The following CATSPERE variants were observed in gnomAD, a reference collection of about 807,000 sequenced individuals.
CATSPERE encodes the protein catsper channel auxiliary subunit epsilon.
Under a neutral mutation model 114.1 loss-of-function variants are expected in CATSPERE, and 93 were observed. That is an observed-to-expected ratio of 0.81 (90% CI 0.69 to 0.97). The LOEUF (loss-of-function observed/expected upper bound fraction) is 0.97, where lower values mean the gene tolerates loss of function less well. Ranked by LOEUF, CATSPERE falls within the 50% of genes least tolerant of loss-of-function variation. CATSPERE has a pLI of 0.00. For synonymous variants in CATSPERE, 341 were observed against 384.1 expected (o/e 0.89, Z 1.31); for missense variants, 1,058 against 1,131.6 (o/e 0.93, Z 0.93).
intron 7 of CATSPERE, among the ~76,000 whole-genome samples, chr1:244,510,532 G>A (rs1372088866): frequency 1.3e-5 from 2 of 152,046 alleles, no homozygotes; most frequent in Non-Finnish European, 2.9e-5. Context: ...CCTAATATAT[G>A]GCCACTTCTG....
At chr1:244,585,727 T>C (rs1027854004) in intron 13 of CATSPERE, among the ~76,000 whole-genome samples, 2 of 152,234 alleles carry the variant, frequency 1.3e-5, no homozygotes, top group Admixed American at 1.3e-4. Context: ...CGAAGGGACA[T>C]GGACTGCACT....
In CATSPERE at chr1:244,461,442, G is replaced by T. The variant is rs757867137; in HGVS notation, c.13G>T (p.Glu5Ter). 1 of 1,391,146 alleles carries T rather than the reference G, an allele frequency of 7.2e-7. No individual in the cohort carries two copies. Among genetic ancestry groups the T allele is most frequent in the Admixed American group, 2.9e-5 (1 of 34,344 alleles). The allele number at this position is 1,391,146 out of a possible 1,614,324, so 86.2% of individuals were successfully genotyped here. The change falls in exon 1 of 22, where the codon GAA (glutamate) becomes TAA (stop). Residue 5 changes from glutamate (E) to a stop codon, truncating the protein, a stop_gained. Coordinates refer to ENST00000366534, the MANE Select transcript of CATSPERE (RefSeq NM_001130957.2). LOFTEE classifies it high-confidence loss of function. MSAR[E>*]VAVLLLWLSC... ...CGGAGCAGGCGCCATGTCAGCCCGG[G>T]AAGTGGCCGTGCTGCTGCTGTGGCT...
intron 17 of CATSPERE, among the ~76,000 whole-genome samples, chr1:244,593,827 C>T (rs1668035287): frequency 1.3e-5 from 2 of 152,152 alleles, no homozygotes. Flanking sequence ...GTCAGGGAAG[C>T]CCTTGCTTTA....
intron 2 of CATSPERE, among the ~76,000 whole-genome samples, chr1:244,475,492 C>G (rs1014199291): frequency 2.6e-5 from 4 of 151,780 alleles, no homozygotes; most frequent in African/African-American, 9.7e-5. Context: ...CCTTGGCCTC[C>G]CAAAGTGCTG....
chr1:244,500,929 TGC>T (rs1673941927), intron 7 of CATSPERE, among the ~76,000 whole-genome samples: 1 of 152,220 alleles, frequency 6.6e-6, no homozygotes, highest in South Asian at 2.1e-4. Context: ...TATAAATTAC[TGC>T]TGGCAGTATG....
intron 17 of CATSPERE, among the ~76,000 whole-genome samples, chr1:244,605,414 C>T (rs1450574523): frequency 6.6e-6 from 1 of 152,142 alleles, no homozygotes; most frequent in Non-Finnish European, 1.5e-5. Context: ...AAACATTTCT[C>T]CTTCATTACT....
intron 8 of CATSPERE, among the ~76,000 whole-genome samples, chr1:244,532,981 G>A (rs1233982937): frequency 6.6e-6 from 1 of 151,616 alleles, no homozygotes; most frequent in Non-Finnish European, 1.5e-5. Context: ...TTGTATTGGG[G>A]TCTCTCTCTC....
chr1:244,451,875 C>A, upstream of CATSPERE: 4 of 1,441,842 alleles, frequency 2.8e-6, no homozygotes, highest in Non-Finnish European at 3.7e-6. This position sits in a 1 kb window ranked among gnomAD's most constrained non-coding sequence, Gnocchi z 6.6. Context: ...AGTGAGCGAA[C>A]TGAACTGCTC....
At chr1:244,456,147 G>T (rs1666143682) in intron 1 of CATSPERE, among the ~76,000 whole-genome samples, 1 of 149,838 alleles carries the variant, frequency 6.7e-6, no homozygotes, top group South Asian at 2.1e-4. Context: ...GGACTGATTG[G>T]CTTTGGGTTG....
At chr1:244,559,680 G>T (rs1215287616) in intron 9 of CATSPERE, among the ~76,000 whole-genome samples, 1 of 152,066 alleles carries the variant, frequency 6.6e-6, no homozygotes, top group East Asian at 1.9e-4. Context: ...AAGGAATCTA[G>T]AATTCCAAAA....
At chr1:244,620,819 C>T (rs554948086) in intron 20 of CATSPERE, among the ~76,000 whole-genome samples, 1 of 150,748 alleles carries the variant, frequency 6.6e-6, no homozygotes, top group African/African-American at 2.4e-5. Context: ...ACTCTATCCC[C>T]CCTAGGGTTA....
At chr1:244,542,746 G>C (rs1182122977) in intron 8 of CATSPERE, among the ~76,000 whole-genome samples, 5 of 152,100 alleles carry the variant, frequency 3.3e-5, no homozygotes, top group African/African-American at 1.2e-4. Flanking sequence ...ATGCATATGT[G>C]TGGAGCATAG....
chr1:244,546,724 A>G (rs558707477), intron 8 of CATSPERE, among the ~76,000 whole-genome samples: 2 of 152,352 alleles, frequency 1.3e-5, no homozygotes, highest in South Asian at 4.1e-4. Flanking sequence ...ATCAACAGCC[A>G]GTTGATCAAG....
rs35023936 is a variant in CATSPERE, at chr1:244,475,537, A to ATT, written c.115-1987_115-1986dup. On this transcript the variant is annotated intron_variant, in intron 2 of 21. Coordinates refer to ENST00000366534, the MANE Select transcript of CATSPERE (RefSeq NM_001130957.2). The stretch of plus-strand genomic sequence containing the variant: ...GTGTGAGCCACTGCACCTGGCCACA[A>ATT]TTTTTTTTTTTTTTTTTTGAGACGG... 2.2e-3 allele frequency among the ~76,000 whole-genome samples: 259 copies of ATT among 117,114 alleles called. 2 individuals carry two copies. The highest frequency in any genetic ancestry group is 7.8e-3 in the East Asian group (32 of 4,106). 76.8% of individuals were successfully genotyped at this position (117,114 alleles called of 152,430 possible).
chr1:244,639,820 C>G lies in CATSPERE; in HGVS notation c.2703-108C>G, dbSNP rs1675136704. On this transcript the variant is annotated intron_variant, in intron 21 of 21. Transcript: ENST00000366534. The stretch of plus-strand genomic sequence containing the variant: ...ACAGTGTGTCTTATTCACCTTTGCT[C>G]TCTGTCAATGGCATAGTAGCTAGCT... 5.9e-6 allele frequency: 6 copies of G among 1,019,470 alleles called. No individual in the cohort carries two copies. The Admixed American group carries it at 7.9e-5, about 13-fold the overall frequency. The allele number at this position is 1,019,470 out of a possible 1,614,324, so 63.2% of individuals were successfully genotyped here. A position where few individuals can be genotyped will look rare whatever the true frequency, so the allele number is the denominator to read the frequency against.
At chr1:244,572,280 G>A (rs1247183677) in intron 10 of CATSPERE, 50 bp from the exon 11 acceptor site, 2 of 896,484 alleles carry the variant, frequency 2.2e-6, no homozygotes, top group Non-Finnish European at 3.4e-6. Context: ...AACTAAAACA[G>A]CACGATTTAT....
At chr1:244,525,537 G>C (rs1170174626) in intron 8 of CATSPERE, among the ~76,000 whole-genome samples, 1 of 151,886 alleles carries the variant, frequency 6.6e-6, no homozygotes, top group Non-Finnish European at 1.5e-5. Context: ...CATTGGTGAG[G>C]ATACGCAACA....
At chr1:244,483,357 T>C (rs1374281579) in intron 5 of CATSPERE, among the ~76,000 whole-genome samples, 1 of 152,206 alleles carries the variant, frequency 6.6e-6, no homozygotes, top group East Asian at 1.9e-4. Flanking sequence ...AAAGTACAAT[T>C]GCCTAAAAGT....
upstream of CATSPERE, among the ~76,000 whole-genome samples, chr1:244,457,316 T>A (rs913810524): frequency 6.6e-6 from 1 of 152,224 alleles, no homozygotes; most frequent in Non-Finnish European, 1.5e-5. Context: ...ATAAAGTTTA[T>A]GAAAATCTTA....
Sources: gnomAD v4.1 joint callset for allele counts (sites outside exome capture counted in the v4.1 genomes callset) on GRCh38, gnomAD v4.1.1 for gene constraint, Gnocchi (gnomAD v3.1) non-coding constraint, MANE v1.5 for transcripts, NCBI Gene and HGNC (gene_info 2026-07-23, HGNC 2026-07-21) for gene names.